CNTN6: variants seen among roughly 807,000 people sequenced by gnomAD.
CNTN6 encodes the protein contactin-6.
A neutral mutation model predicts 122.8 loss-of-function variants in CNTN6; 137 were observed. The observed-to-expected ratio is 1.12, with a 90% CI of 0.97 to 1.29. CNTN6 has a LOEUF of 1.29. Ranked by LOEUF, CNTN6 falls within the 50% of genes most tolerant of loss-of-function variation. The pLI is 0.00. For synonymous variants in CNTN6, 570 were observed against 426.0 expected (o/e 1.34, Z -4.16); for missense variants, 1,634 against 1,223.4 (o/e 1.34, Z -5.01).
At chr3:1,287,470 AG>A (rs1266430191) in intron 5 of CNTN6, among the ~76,000 whole-genome samples, 1 of 152,162 alleles carries the variant, frequency 6.6e-6, no homozygotes, top group Non-Finnish European at 1.5e-5. Context: ...GAAATTGGGA[AG>A]AAAAAGAGAA....
At chr3:1,156,571 A>T (rs1377272213) in intron 2 of CNTN6, among the ~76,000 whole-genome samples, 1 of 152,188 alleles carries the variant, frequency 6.6e-6, no homozygotes, top group African/African-American at 2.4e-5. Flanking sequence ...GCAAAGGAAG[A>T]AACGATATTT....
intron 5 of CNTN6, among the ~76,000 whole-genome samples, chr3:1,290,634 G>C (rs1695171817): frequency 6.6e-6 from 1 of 152,190 alleles, no homozygotes; most frequent in South Asian, 2.1e-4. Flanking sequence ...GAAAGTAAAG[G>C]AATAACAGAA....
At chr3:1,144,683 A>T (rs2092687563) in intron 1 of CNTN6, among the ~76,000 whole-genome samples, 1 of 139,232 alleles carries the variant, frequency 7.2e-6, no homozygotes, top group Non-Finnish European at 1.6e-5. Flanking sequence ...TACAAACAGG[A>T]CTAGGCAAAA....
chr3:1,287,834 C>T (rs182165277), intron 5 of CNTN6, among the ~76,000 whole-genome samples: 17 of 152,238 alleles, frequency 1.1e-4, no homozygotes, highest in East Asian at 3.9e-4. Context: ...GTGTGAGGAA[C>T]CTTCAGTCCT....
chr3:1,317,843 G>A (rs1312631164), intron 7 of CNTN6, among the ~76,000 whole-genome samples: 1 of 150,286 alleles, frequency 6.7e-6, no homozygotes. Context: ...CAACTGAAAT[G>A]AGATGGGGAG....
chr3:1,245,260 T>TATATATATAGAAC (rs2094554963), intron 4 of CNTN6, among the ~76,000 whole-genome samples: 2 of 3,332 alleles, frequency 6.0e-4, no homozygotes, highest in Non-Finnish European at 1.3e-3. Flanking sequence ...ATATATAACA[T>TATATATATAGAAC]ATATATATAT....
At chr3:1,302,201 AC>A (rs1395489114) in intron 7 of CNTN6, among the ~76,000 whole-genome samples, 2 of 152,130 alleles carry the variant, frequency 1.3e-5, no homozygotes, top group African/African-American at 4.8e-5. Flanking sequence ...ATATTCTCTA[AC>A]ATCTCTTCAT....
chr3:1,271,262 G>A (rs1396665494), intron 4 of CNTN6, among the ~76,000 whole-genome samples: 1 of 152,200 alleles, frequency 6.6e-6, no homozygotes, highest in African/African-American at 2.4e-5. Context: ...TTTCTGGTGT[G>A]ACAGCAGGAG....
chr3:1,101,963 T>C (rs751322283), intron 1 of CNTN6, among the ~76,000 whole-genome samples: 4 of 152,234 alleles, frequency 2.6e-5, no homozygotes, highest in Non-Finnish European at 5.9e-5. Flanking sequence ...ACGGACCATA[T>C]TTTTAAGATG....
chr3:1,117,901 G>T (rs2125047370), intron 1 of CNTN6, among the ~76,000 whole-genome samples: 1 of 152,270 alleles, frequency 6.6e-6, no homozygotes, highest in Non-Finnish European at 1.5e-5. Flanking sequence ...CTGAGCTTCA[G>T]TTCTTTGCAG....
chr3:1,306,191 C>A lies in CNTN6; in HGVS notation c.761+8200C>A, dbSNP rs538262443. ...GAGTTGAGCAGATAGAGAACAGAATCTCTTCCTAGGCATAGTTTACCCCAT... is the reference window on the plus strand; with the variant it reads ...GAGTTGAGCAGATAGAGAACAGAATATCTTCCTAGGCATAGTTTACCCCAT... On this transcript the variant is annotated intron_variant, in intron 7 of 22. Transcript: ENST00000446702. 2.0e-5 allele frequency among the ~76,000 whole-genome samples: 3 copies of A among 152,292 alleles called. No homozygotes were observed. In the South Asian group the frequency reaches 6.2e-4, roughly 32 times the overall value.
chr3:1,190,854 A>G (rs2093691988), intron 2 of CNTN6, among the ~76,000 whole-genome samples: 1 of 152,148 alleles, frequency 6.6e-6, no homozygotes, highest in African/African-American at 2.4e-5. Context: ...TTCCCAAAGC[A>G]ATTTATTACC....
intron 2 of CNTN6, among the ~76,000 whole-genome samples, chr3:1,212,186 T>G (rs898823448): frequency 6.6e-6 from 1 of 151,918 alleles, no homozygotes; most frequent in Non-Finnish European, 1.5e-5. Context: ...TAATTATTAC[T>G]TAGAAACATT....
intron 7 of CNTN6, among the ~76,000 whole-genome samples, chr3:1,301,387 A>G (rs1697385859): frequency 6.6e-6 from 1 of 152,166 alleles, no homozygotes; most frequent in Non-Finnish European, 1.5e-5. Context: ...GAAAAATTTG[A>G]GTTGGAAAAT....
intron 2 of CNTN6, among the ~76,000 whole-genome samples, chr3:1,189,798 C>A (rs1339920467): frequency 6.6e-6 from 1 of 152,162 alleles, no homozygotes; most frequent in Non-Finnish European, 1.5e-5. Flanking sequence ...AAAAATGCCA[C>A]CATCTCTACT....
At chr3:1,153,460 T>A (rs2092893325) in intron 2 of CNTN6, among the ~76,000 whole-genome samples, 1 of 152,186 alleles carries the variant, frequency 6.6e-6, no homozygotes, top group Admixed American at 6.5e-5. Context: ...TTTCAAAACT[T>A]CTCCCAAAGT....
Position 1,292,371 on chromosome 3 carries a change from A to G in CNTN6, c.455-3230A>G, listed in dbSNP as rs142639480. Among the ~76,000 whole-genome samples the G allele has an allele frequency of 3.7e-3, 556 of 152,096 alleles. 1 individual carries two copies. Among genetic ancestry groups the G allele is most frequent in the Non-Finnish European group, 6.3e-3 (427 of 67,952 alleles). On this transcript the variant is annotated intron_variant, in intron 5 of 22. Transcript: ENST00000446702. ...TTGTGACTGGCTTTTGCTACATTTT[A>G]TTTTTTATCTCTTGATAAACTTGAT...
At chr3:1,351,879 G>A (rs1390145263) in intron 11 of CNTN6, among the ~76,000 whole-genome samples, 2 of 152,000 alleles carry the variant, frequency 1.3e-5, no homozygotes, top group Middle Eastern at 3.4e-3. Flanking sequence ...TGTGGCCACA[G>A]AAAATGCTGA....
chr3:1,176,054 C>A (rs2093442229), intron 2 of CNTN6, among the ~76,000 whole-genome samples: 1 of 151,978 alleles, frequency 6.6e-6, no homozygotes, highest in Non-Finnish European at 1.5e-5. Flanking sequence ...GTTTATTGTC[C>A]CTGTAGAAAT....
Sources: allele counts gnomAD v4.1 joint callset (sites outside exome capture counted in the v4.1 genomes callset), GRCh38; gene constraint gnomAD v4.1.1; transcripts MANE v1.5; gene names NCBI Gene and HGNC (gene_info 2026-07-23, HGNC 2026-07-21).